Variants in FGF12 observed in about 807,000 individuals in gnomAD.
The protein encoded by FGF12 is fibroblast growth factor 12.
Under a neutral mutation model 23.6 loss-of-function variants are expected in FGF12, and 14 were observed. That is an observed-to-expected ratio of 0.59 (90% CI 0.39 to 0.93). FGF12 has a LOEUF of 0.93. FGF12 is among the 40% of genes least tolerant of loss of function. The pLI, the probability that FGF12 is intolerant of heterozygous loss-of-function variation, is 0.00. For missense variants in FGF12, 175 were observed against 217.8 expected, an observed-to-expected ratio of 0.80 and a Z score of 1.24; for synonymous variants, 62 against 77.3, an observed-to-expected ratio of 0.80 and a Z score of 1.04.
intron 4 of FGF12, among the ~76,000 whole-genome samples, chr3:192,314,670 G>A (rs186500821): frequency 6.6e-6 from 1 of 152,128 alleles, no homozygotes; most frequent in Non-Finnish European, 1.5e-5. Context: ...CATTGTTATG[G>A]GCATCACTTT....
At chr3:192,580,987 A>C (rs1300395250) in intron 2 of FGF12, among the ~76,000 whole-genome samples, 1 of 152,246 alleles carries the variant, frequency 6.6e-6, no homozygotes, top group Non-Finnish European at 1.5e-5. Context: ...AAGTCTTAAA[A>C]TGTCCATGCA....
At chr3:192,442,069 C>G (rs2108796954) in intron 2 of FGF12, among the ~76,000 whole-genome samples, 1 of 152,296 alleles carries the variant, frequency 6.6e-6, no homozygotes, top group South Asian at 2.1e-4. Context: ...TTGAGTGAGA[C>G]TTTCTTTTGC....
intron 2 of FGF12, among the ~76,000 whole-genome samples, chr3:192,538,991 G>T (rs1053578463): frequency 2.0e-5 from 3 of 152,032 alleles, no homozygotes; most frequent in Non-Finnish European, 2.9e-5. Context: ...TGTTAATTTT[G>T]TATCCTGCAA....
At chr3:192,234,891 C>T (rs1466018377) in intron 4 of FGF12, among the ~76,000 whole-genome samples, 7 of 152,132 alleles carry the variant, frequency 4.6e-5, no homozygotes, top group Non-Finnish European at 1.5e-5. Flanking sequence ...GGACTAAAGC[C>T]TGCTTTATTG....
chr3:192,697,220 T>C (rs1385276708), intron 2 of FGF12, among the ~76,000 whole-genome samples: 1 of 152,178 alleles, frequency 6.6e-6, no homozygotes, highest in Non-Finnish European at 1.5e-5. Flanking sequence ...AGGAACCTTG[T>C]AGAAAAACAC....
chr3:192,510,819 A>C (rs1010423444), intron 2 of FGF12, among the ~76,000 whole-genome samples: 1 of 152,242 alleles, frequency 6.6e-6, no homozygotes, highest in African/African-American at 2.4e-5. Flanking sequence ...ACACCATGAA[A>C]AGACCTGGAG....
chr3:192,632,887 G>T (rs1025639755), intron 2 of FGF12, among the ~76,000 whole-genome samples: 1 of 152,016 alleles, frequency 6.6e-6, no homozygotes, highest in Non-Finnish European at 1.5e-5. Context: ...AGAAGCTCTG[G>T]GGGGGAATCT....
intron 2 of FGF12, among the ~76,000 whole-genome samples, chr3:192,504,892 G>A (rs115764712): frequency 9.7e-4 from 148 of 152,178 alleles, no homozygotes; most frequent in Non-Finnish European, 1.1e-3. Flanking sequence ...CAACTAAGAA[G>A]GTGGATAGCC....
At chr3:192,558,967 C>G (rs948737674) in intron 2 of FGF12, among the ~76,000 whole-genome samples, 1 of 151,906 alleles carries the variant, frequency 6.6e-6, no homozygotes, top group African/African-American at 2.4e-5. Flanking sequence ...CGATTAAAGA[C>G]TTAAATGCAA....
chr3:192,537,728 C>T (rs1279145561), intron 2 of FGF12, among the ~76,000 whole-genome samples: 1 of 151,988 alleles, frequency 6.6e-6, no homozygotes, highest in East Asian at 1.9e-4. Flanking sequence ...CAAATATTTT[C>T]CCCCATTCTG....
At chr3:192,230,828 A>G (rs1279154888) in intron 4 of FGF12, among the ~76,000 whole-genome samples, 1 of 152,172 alleles carries the variant, frequency 6.6e-6, no homozygotes, top group African/African-American at 2.4e-5. Flanking sequence ...TCAAATTCAT[A>G]TAGTGCATCA....
At chr3:192,181,309 C>T (rs1560181662) in intron 4 of FGF12, among the ~76,000 whole-genome samples, 1 of 151,734 alleles carries the variant, frequency 6.6e-6, no homozygotes, top group Non-Finnish European at 1.5e-5. Context: ...TCCTCATCCC[C>T]CAGATTAAAG....
intron 4 of FGF12, among the ~76,000 whole-genome samples, chr3:192,255,509 G>A (rs67974301): frequency 0.053 from 8,012 of 151,990 alleles, 257 homozygotes; most frequent in South Asian, 0.08. Context: ...ATGTTAAAAT[G>A]CATATCATAG....
intron 2 of FGF12, among the ~76,000 whole-genome samples, chr3:192,373,325 G>C (rs1029346583): frequency 1.3e-5 from 2 of 149,948 alleles, no homozygotes; most frequent in East Asian, 1.9e-4. Flanking sequence ...CTTCTCTCTG[G>C]GCTTCAGGTT....
Position 192,408,495 on chromosome 3 carries a change from G to A in FGF12, c.14-47957C>T, listed in dbSNP as rs1721061093. The A allele has an allele frequency of 3.9e-6, 5 of 1,284,324 alleles. No individual in the cohort carries two copies. Among genetic ancestry groups the A allele is most frequent in the Non-Finnish European group, 4.9e-6 (5 of 1,016,140 alleles). 79.6% of individuals were successfully genotyped at this position (1,284,324 alleles called of 1,614,324 possible). On this transcript the variant is annotated intron_variant, in intron 2 of 5. Transcript: ENST00000445105. The surrounding 1 kb of genome is among the most constrained non-coding windows in gnomAD (Gnocchi z 7.3). ...GCGGGGCGGTCCCAGGCCCTCTTGCGAAGTAGACGTTTGCACCCCAAACTT... is the reference window on the plus strand; with the variant it reads ...GCGGGGCGGTCCCAGGCCCTCTTGCAAAGTAGACGTTTGCACCCCAAACTT...
chr3:192,619,463 A>G (rs1714889229), intron 2 of FGF12, among the ~76,000 whole-genome samples: 3 of 152,326 alleles, frequency 2.0e-5, no homozygotes, highest in Non-Finnish European at 4.4e-5. Flanking sequence ...CGTTCCCATC[A>G]GTCGCTCTAG....
At chr3:192,441,657 C>G (rs1722204319) in intron 2 of FGF12, among the ~76,000 whole-genome samples, 1 of 152,190 alleles carries the variant, frequency 6.6e-6, no homozygotes. Context: ...AGTTTCACCC[C>G]TAAGATTGTC....
intron 2 of FGF12, among the ~76,000 whole-genome samples, chr3:192,583,302 G>A (rs913902793): frequency 2.0e-5 from 3 of 152,160 alleles, no homozygotes; most frequent in African/African-American, 7.2e-5. Context: ...TATCAGATGA[G>A]CGATGCGAAT....
chr3:192,656,277 A>T (rs537218486), intron 2 of FGF12, among the ~76,000 whole-genome samples: 2 of 96,402 alleles, frequency 2.1e-5, no homozygotes, highest in South Asian at 7.5e-4. Context: ...TATAAGGTGA[A>T]AAGACACACA....
Sources: gnomAD v4.1 joint callset for allele counts (sites outside exome capture counted in the v4.1 genomes callset) on GRCh38, gnomAD v4.1.1 for gene constraint, Gnocchi (gnomAD v3.1) non-coding constraint, MANE v1.5 for transcripts, NCBI Gene and HGNC (gene_info 2026-07-23, HGNC 2026-07-21) for gene names.